ROPN1B: variants seen among roughly 807,000 people sequenced by gnomAD.
ROPN1B encodes the protein rhophilin associated tail protein 1B.
ROPN1B carries 13 observed loss-of-function variants against 23.7 expected under a neutral mutation model. The observed-to-expected ratio is 0.55, with a 90% CI of 0.36 to 0.87. ROPN1B has a LOEUF of 0.87. Among genes scored for constraint, ROPN1B ranks in the 40% least tolerant of loss-of-function variants. The probability of loss-of-function intolerance (pLI) is 0.01; values close to 1 mark genes in which losing one functional copy is unlikely to be tolerated. For synonymous variants in ROPN1B, 67 were observed against 100.4 expected, an observed-to-expected ratio of 0.67 and a Z score of 1.99; for missense variants, 183 against 249.2, an observed-to-expected ratio of 0.73 and a Z score of 1.79.
At chr3:125,974,621 G>A (rs1176021292) in intron 3 of ROPN1B, among the ~76,000 whole-genome samples, 3 of 152,198 alleles carry the variant, frequency 2.0e-5, no homozygotes, top group Non-Finnish European at 4.4e-5. Flanking sequence ...TGACCCACAT[G>A]TCAGCGGCTC....
At chr3:125,978,270 G>C (rs1186265442) in intron 5 of ROPN1B, among the ~76,000 whole-genome samples, 1 of 151,386 alleles carries the variant, frequency 6.6e-6, no homozygotes, top group African/African-American at 2.4e-5. Context: ...ATAAAAAAAT[G>C]AACACATTTT....
At chr3:125,981,461 A>AC (rs1938609703) in intron 5 of ROPN1B, among the ~76,000 whole-genome samples, 2 of 152,184 alleles carry the variant, frequency 1.3e-5, no homozygotes, top group South Asian at 4.1e-4. Context: ...GATGATCCGT[A>AC]CATCACCAGT....
intron 2 of ROPN1B, among the ~76,000 whole-genome samples, chr3:125,971,637 G>A (rs1938208788): frequency 6.6e-6 from 1 of 152,198 alleles, no homozygotes; most frequent in African/African-American, 2.4e-5. Flanking sequence ...GCTAATAAGA[G>A]CTGGATGACA....
intron 6 of ROPN1B, 106 bp from the exon 7 acceptor site, chr3:125,983,148 A>G: frequency 1.2e-6 from 1 of 838,664 alleles, no homozygotes; most frequent in South Asian, 1.5e-5. Context: ...GTTAAGAGAA[A>G]AAGGAGCAAC....
intron 4 of ROPN1B, among the ~76,000 whole-genome samples, chr3:125,976,499 G>A (rs1227419388): frequency 2.6e-5 from 4 of 152,160 alleles, no homozygotes; most frequent in South Asian, 2.1e-4. Flanking sequence ...TCAAATCCCC[G>A]TGGGTCAGCC....
At chr3:125,973,951 G>C (rs1332220505) in intron 3 of ROPN1B, 1 of 153,740 alleles carries the variant, frequency 6.5e-6, no homozygotes, top group Non-Finnish European at 1.5e-5. Context: ...ATACTTATTT[G>C]TCCTCTGGTA....
At chr3:125,969,580 AT>A (rs1271198868) in intron 1 of ROPN1B, 180 bp downstream of exon 1, 1 of 98,430 alleles carries the variant, frequency 1.0e-5, no homozygotes, top group Non-Finnish European at 1.9e-5. Flanking sequence ...ACTGTGGGGG[AT>A]TATGGCTTTC....
At chr3:125,976,606 G>A (rs1323297996) in intron 4 of ROPN1B, among the ~76,000 whole-genome samples, 6 of 152,266 alleles carry the variant, frequency 3.9e-5, no homozygotes, top group Non-Finnish European at 7.4e-5. Flanking sequence ...CCTATGTCTT[G>A]TTCTAATTTT....
chr3:125,981,119 T>C (rs1467696116), intron 5 of ROPN1B, among the ~76,000 whole-genome samples: 1 of 149,336 alleles, frequency 6.7e-6, no homozygotes, highest in African/African-American at 2.5e-5. Context: ...TTTTAAATAT[T>C]AACTCAATTA....
At chr3:125,974,198 G>A (rs1436323675) in intron 3 of ROPN1B, among the ~76,000 whole-genome samples, 1 of 152,132 alleles carries the variant, frequency 6.6e-6, no homozygotes, top group East Asian at 1.9e-4. Context: ...TACCACCCAA[G>A]TCTGGAAGTC....
intron 3 of ROPN1B, chr3:125,973,083 G>T (rs1387833433): frequency 2.8e-6 from 1 of 352,704 alleles, no homozygotes; most frequent in African/African-American, 2.2e-5. Flanking sequence ...CCATTTTCAG[G>T]CTATTTTTAC....
At chr3:125,973,395 T>C (rs184822341) in intron 3 of ROPN1B, 56 of 202,268 alleles carry the variant, frequency 2.8e-4, no homozygotes, top group Admixed American at 2.7e-3. Context: ...TAAATGGGGG[T>C]TGCTTTGCCT....
chr3:125,982,269 G>A lies in ROPN1B; in HGVS notation c.397-1G>A, dbSNP rs1443274043. The A allele has an allele frequency of 1.2e-6, 2 of 1,600,962 alleles. No individual in the cohort carries two copies. Among genetic ancestry groups the A allele is most frequent in the East Asian group, 4.5e-5 (2 of 44,178 alleles). On this transcript the variant is annotated splice_acceptor_variant, in intron 5 of 6. Transcript: ENST00000514116. LOFTEE classifies it high-confidence loss of function. Reference sequence around the variant, plus strand: ...CTCCTCATTTTATGTAACTTTTATAGACTATTACCAAAACTCTCAAGATAG... The same window carrying A: ...CTCCTCATTTTATGTAACTTTTATAAACTATTACCAAAACTCTCAAGATAG...
chr3:125,972,399 C>G, intron 3 of ROPN1B: 1 of 577,700 alleles, frequency 1.7e-6, no homozygotes, highest in East Asian at 2.8e-5. Context: ...AGCAGTAGGA[C>G]GCCAGGTCAA....
intron 6 of ROPN1B, 46 bp from the exon 7 acceptor site, chr3:125,983,202 CTTAAGA>C (rs1333844431): frequency 6.4e-6 from 8 of 1,247,536 alleles, no homozygotes; most frequent in Admixed American, 5.4e-5. Flanking sequence ...TATTGTCTTT[CTTAAGA>C]TTAACTGTCA....
chr3:125,983,207 G>A, intron 6 of ROPN1B, 47 bp from the exon 7 acceptor site: 1 of 1,280,498 alleles, frequency 7.8e-7, no homozygotes, highest in South Asian at 1.2e-5. Context: ...TCTTTCTTAA[G>A]ATTAACTGTC....
chr3:125,978,190 G>A (rs575920266), intron 5 of ROPN1B, among the ~76,000 whole-genome samples: 7 of 152,238 alleles, frequency 4.6e-5, no homozygotes, highest in Middle Eastern at 3.4e-3. Flanking sequence ...TATCCTCTGA[G>A]GAGGAAAGGA....
chr3:125,983,055 G>A (rs892414554), intron 6 of ROPN1B, among the ~76,000 whole-genome samples, 199 bp from the exon 7 acceptor site: 3 of 152,288 alleles, frequency 2.0e-5, no homozygotes, highest in Non-Finnish European at 4.4e-5. Flanking sequence ...TTGAGCCCAG[G>A]AGGCAGAGGT....
chr3:125,975,358 A>G (rs535956410), intron 3 of ROPN1B: 1 of 454,352 alleles, frequency 2.2e-6, no homozygotes, highest in Non-Finnish European at 3.9e-6. Context: ...GTATTCTCTA[A>G]GCATTCTCTG....
Sources: allele counts gnomAD v4.1 joint callset (sites outside exome capture counted in the v4.1 genomes callset), GRCh38; gene constraint gnomAD v4.1.1; transcripts MANE v1.5; gene names NCBI Gene and HGNC (gene_info 2026-07-23, HGNC 2026-07-21).